Variants in ARHGEF7 observed in about 807,000 individuals in gnomAD.
ARHGEF7 encodes PAK-interacting exchange factor beta.
Under a neutral mutation model 109.8 loss-of-function variants are expected in ARHGEF7, and 33 were observed. The observed-to-expected ratio is 0.30, with a 90% CI of 0.23 to 0.40. The LOEUF (loss-of-function observed/expected upper bound fraction) is 0.40, where lower values mean the gene tolerates loss of function less well. ARHGEF7 is among the 10% of genes least tolerant of loss of function. The pLI is 1.00. For missense variants in ARHGEF7, 938 were observed against 1,098.5 expected, an observed-to-expected ratio of 0.85 and a Z score of 2.07; for synonymous variants, 458 against 424.6, an observed-to-expected ratio of 1.08 and a Z score of -0.97.
At chr13:111,222,870 G>A (rs750076921) in intron 5 of ARHGEF7, among the ~76,000 whole-genome samples, 5 of 152,212 alleles carry the variant, frequency 3.3e-5, no homozygotes, top group South Asian at 2.1e-4. Flanking sequence ...CTGGCTTTGC[G>A]TAATGTGGTT....
intron 2 of ARHGEF7, among the ~76,000 whole-genome samples, chr13:111,160,638 C>T (rs530246318): frequency 6.6e-6 from 1 of 152,060 alleles, no homozygotes; most frequent in Admixed American, 6.5e-5. Flanking sequence ...CGTGGCAAAA[C>T]CTCATTTCTA....
At position 111,280,272 on chromosome 13, in the gene ARHGEF7, G is replaced by C; in HGVS notation, c.1507G>C (p.Gly503Arg). The change falls in exon 14 of 22, where the codon GGA (glycine) becomes CGA (arginine). Residue 503 changes from glycine (G) to arginine (R), a missense_variant and splice_region_variant. Physicochemically the swap from Gly to Arg is moderately radical, Grantham distance 125. Coordinates refer to ENST00000646102, the MANE Select transcript of ARHGEF7 (RefSeq NM_001354046.2). Reference protein sequence around the residue: ...SPRMSGFIYQGKLPTTGMTIT... With the variant: ...SPRMSGFIYQRKLPTTGMTIT... ...TTTTGTGGGGGGGGGTCTTTTTTAG[G>C]GAAAGCTTCCAACGACAGGAATGAC... The C allele has an allele frequency of 6.2e-7, 1 of 1,608,274 alleles. No homozygotes were observed. Among genetic ancestry groups the C allele is most frequent in the Non-Finnish European group, 8.5e-7 (1 of 1,178,076 alleles).
At chr13:111,121,756 G>A (rs1458505732) in intron 1 of ARHGEF7, among the ~76,000 whole-genome samples, 3 of 152,222 alleles carry the variant, frequency 2.0e-5, no homozygotes, top group Non-Finnish European at 4.4e-5. Flanking sequence ...GTGCTTCAGA[G>A]TCAGGCACAC....
At chr13:111,237,840 T>C (rs187480872) in intron 6 of ARHGEF7, among the ~76,000 whole-genome samples, 1 of 152,306 alleles carries the variant, frequency 6.6e-6, no homozygotes. Context: ...TAGAAGACAT[T>C]GTGCTAGAGA....
intron 1 of ARHGEF7, among the ~76,000 whole-genome samples, chr13:111,142,560 C>G (rs2075396927): frequency 6.6e-6 from 1 of 152,164 alleles, no homozygotes; most frequent in Non-Finnish European, 1.5e-5. Context: ...ATATGAAAGT[C>G]CCAACTGGCC....
intron 2 of ARHGEF7, among the ~76,000 whole-genome samples, chr13:111,187,745 C>T (rs1416405413): frequency 6.6e-6 from 1 of 152,170 alleles, no homozygotes; most frequent in East Asian, 1.9e-4. Context: ...ATCGGGGTAT[C>T]AGTAGGGGAG....
At chr13:111,299,382 G>A (rs148668290) in intron 19 of ARHGEF7, among the ~76,000 whole-genome samples, 3,473 of 127,916 alleles carry the variant, frequency 0.027, 145 homozygotes, top group African/African-American at 0.097. Context: ...TCGCTCTGTC[G>A]CCCAGGCTGG....
Position 111,131,969 on chromosome 13 carries a change from G to T in ARHGEF7, c.165+16278G>T, listed in dbSNP as rs1266217335. Among the ~76,000 whole-genome samples the T allele has an allele frequency of 6.6e-6, 1 of 152,184 alleles. No individual in the cohort carries two copies. The highest frequency in any genetic ancestry group is 1.5e-5 in the Non-Finnish European group (1 of 68,018). The stretch of plus-strand genomic sequence containing the variant: ...GAGGGGTGGACTCAGTGAGGGGGTG[G>T]ACCGTGAGCCCTGTGGAAACCCACC... On this transcript the variant is annotated intron_variant, in intron 1 of 21. Coordinates refer to ENST00000646102, the MANE Select transcript of ARHGEF7 (RefSeq NM_001354046.2). The surrounding 1 kb of genome is among the most constrained non-coding windows in gnomAD (Gnocchi z 4.4).
rs1291741634 is a variant in ARHGEF7, at chr13:111,247,185, C to G, written c.950+2891C>G. Among the ~76,000 whole-genome samples the G allele has an allele frequency of 3.9e-5, 6 of 151,956 alleles. No homozygotes were observed. In the East Asian group the frequency reaches 7.7e-4, roughly 20 times the overall value. On this transcript the variant is annotated intron_variant, in intron 8 of 21. Coordinates refer to ENST00000646102, the MANE Select transcript of ARHGEF7 (RefSeq NM_001354046.2). ...TTCATCATTTCCATTTTAAGACTTACTTTCGTCTTTTTGTCCTATATGTGA... is the reference window on the plus strand; with the variant it reads ...TTCATCATTTCCATTTTAAGACTTAGTTTCGTCTTTTTGTCCTATATGTGA...
chr13:111,175,616 T>G (rs2078075331), intron 2 of ARHGEF7, among the ~76,000 whole-genome samples: 1 of 152,180 alleles, frequency 6.6e-6, no homozygotes, highest in Non-Finnish European at 1.5e-5. Context: ...TGCTGGCTCC[T>G]CACTGGGCGT....
chr13:111,244,360 T>G, intron 8 of ARHGEF7, 66 bp downstream of exon 8: 1 of 923,564 alleles, frequency 1.1e-6, no homozygotes, highest in Non-Finnish European at 1.7e-6. Flanking sequence ...GGATTAAGTG[T>G]GAAGTAATTT....
intron 2 of ARHGEF7, among the ~76,000 whole-genome samples, chr13:111,203,658 CTT>C (rs1047837291): frequency 3.9e-5 from 6 of 152,204 alleles, no homozygotes; most frequent in South Asian, 2.1e-4. Context: ...TTTCTTGACT[CTT>C]TTAGTGATTT....
chr13:111,292,832 C>T, intron 19 of ARHGEF7: 1 of 992,334 alleles, frequency 1.0e-6, no homozygotes, highest in Non-Finnish European at 1.2e-6. Context: ...GCTGTGAGCC[C>T]AGTTCCAACG....
chr13:111,158,306 G>A (rs2076495119), intron 2 of ARHGEF7, among the ~76,000 whole-genome samples: 1 of 152,196 alleles, frequency 6.6e-6, no homozygotes, highest in African/African-American at 2.4e-5. Flanking sequence ...AAACATTTCA[G>A]ATGAAACTGG....
chr13:111,225,112 C>T (rs2085016705), intron 5 of ARHGEF7, among the ~76,000 whole-genome samples: 1 of 152,176 alleles, frequency 6.6e-6, no homozygotes, highest in African/African-American at 2.4e-5. Context: ...CATGTCCTCA[C>T]TGCAATGTGG....
rs758366795 is a variant in ARHGEF7 at position 111,275,532 on chromosome 13, G to A, written c.1273G>A (p.Ala425Thr). 35 of 1,613,698 alleles carry A rather than the reference G, an allele frequency of 2.2e-5. No individual in the cohort carries two copies. Among genetic ancestry groups the A allele is most frequent in the Non-Finnish European group, 3.0e-5 (35 of 1,179,972 alleles). The stretch of plus-strand genomic sequence containing the variant: ...AACAGTGTTGTTCTGTGTCTGTCAG[G>A]CCCAATGTCAAGAAGTCCGGAAGAG... Reference protein sequence around the residue: ...KSMAAFKNLSAQCQEVRKRKE... With the variant: ...KSMAAFKNLSTQCQEVRKRKE... Residue 425 changes from alanine (A) to threonine (T), a missense_variant and splice_region_variant, in exon 12 of 22, where the codon GCC (alanine) becomes ACC (threonine). Ala to Thr is a moderately conservative substitution (Grantham distance 58). This residue lies in a region of ARHGEF7 where 585 missense variants were observed against 723.6 expected (regional missense o/e 0.81). Coordinates refer to ENST00000646102, the MANE Select transcript of ARHGEF7 (RefSeq NM_001354046.2).
intron 8 of ARHGEF7, chr13:111,265,750 T>A (rs1242199465): frequency 2.2e-6 from 1 of 455,304 alleles, no homozygotes; most frequent in Non-Finnish European, 4.4e-6. Flanking sequence ...GATGCAGCCC[T>A]CATGAATAGG....
In ARHGEF7 at chr13:111,258,986, G is replaced by A. The variant is rs1343884600; in HGVS notation, c.951-8562G>A. 6.6e-6 allele frequency among the ~76,000 whole-genome samples: 1 copy of A among 152,178 alleles called. No homozygotes were observed. The highest frequency in any genetic ancestry group is 2.4e-5 in the African/African-American group (1 of 41,434). On this transcript the variant is annotated intron_variant, in intron 8 of 21. Transcript: ENST00000646102. The surrounding 1 kb of genome is among the most constrained non-coding windows in gnomAD (Gnocchi z 4.4). ...TGGTGGCTACAGGGAGAGGTTTCCT[G>A]CTTATGGAAAAGGGGAGTGAAGAGT...
At chr13:111,124,419 A>G (rs1249045446) in intron 1 of ARHGEF7, among the ~76,000 whole-genome samples, 2 of 151,572 alleles carry the variant, frequency 1.3e-5, no homozygotes, top group Admixed American at 1.3e-4. Flanking sequence ...CTCTCCAGAG[A>G]CTCCTCCATC....
Sources: gnomAD v4.1 joint callset for allele counts (sites outside exome capture counted in the v4.1 genomes callset) on GRCh38, gnomAD v4.1.1 for gene constraint, gnomAD v4.1.1 regional missense constraint, Gnocchi (gnomAD v3.1) non-coding constraint, MANE v1.5 for transcripts, NCBI Gene and HGNC (gene_info 2026-07-23, HGNC 2026-07-21) for gene names.